Variants in RASA3 observed in about 807,000 individuals in gnomAD.
The protein encoded by RASA3 is ras GTPase-activating protein 3.
A neutral mutation model predicts 110.0 loss-of-function variants in RASA3; 73 were observed. The ratio of observed to expected loss-of-function variants is 0.66; its 90% CI spans 0.55 to 0.81. The LOEUF (loss-of-function observed/expected upper bound fraction) is 0.81. Among genes scored for constraint, RASA3 ranks in the 30% least tolerant of loss-of-function variants. The probability of loss-of-function intolerance (pLI) is 0.00; values close to 1 mark genes in which losing one functional copy is unlikely to be tolerated. For missense variants in RASA3, 976 were observed against 1,113.2 expected (o/e 0.88, Z 1.75); for synonymous variants, 500 against 451.4 (o/e 1.11, Z -1.37).
chr13:114,122,347 C>T (rs1293744746), intron 1 of RASA3, among the ~76,000 whole-genome samples: 2 of 152,350 alleles, frequency 1.3e-5, no homozygotes, highest in South Asian at 2.1e-4. Flanking sequence ...GAGGAGAGTC[C>T]GGCATGGCCA....
chr13:114,046,276 G>A (rs1462993523), intron 3 of RASA3, among the ~76,000 whole-genome samples: 3 of 152,234 alleles, frequency 2.0e-5, no homozygotes, highest in South Asian at 2.1e-4. Context: ...CAGAGGGTCT[G>A]TAGCTTCACT....
Position 114,132,490 on chromosome 13 carries a change from G to T in RASA3, c.-1C>A. ...GGAGCCCCTCGTCCTCCACCGCCATGCTGCGCGTCCGCGCCCGCCGAGCCT... is the reference window on the plus strand; with the variant it reads ...GGAGCCCCTCGTCCTCCACCGCCATTCTGCGCGTCCGCGCCCGCCGAGCCT... On this transcript the variant is annotated 5_prime_UTR_variant, in exon 1 of 24. Coordinates refer to ENST00000334062, the MANE Select transcript of RASA3 (RefSeq NM_007368.4). 6.8e-7 allele frequency: 1 copy of T among 1,480,896 alleles called. No individual in the cohort carries two copies. The highest frequency in any genetic ancestry group is 2.9e-5 in the East Asian group (1 of 33,956). 91.7% of individuals were successfully genotyped at this position (1,480,896 alleles called of 1,614,324 possible).
chr13:114,114,913 C>T lies in RASA3; in HGVS notation c.55+17522G>A, dbSNP rs923276726. ...TGGTAAGCTGGGAAATTCCCGGGCA[C>T]GACCCCTGGCCGTGGGTGAAAGCAC... On this transcript the variant is annotated intron_variant, in intron 1 of 23. Coordinates refer to ENST00000334062, the MANE Select transcript of RASA3 (RefSeq NM_007368.4). This position sits in a 1 kb window ranked among gnomAD's most constrained non-coding sequence, Gnocchi z 4.8. Among the ~76,000 whole-genome samples the T allele has an allele frequency of 2.6e-5, 4 of 152,188 alleles. No homozygotes were observed. The highest frequency in any genetic ancestry group is 7.2e-5 in the African/African-American group (3 of 41,436).
chr13:114,017,166 T>C, intron 12 of RASA3, 71 bp downstream of exon 12: 1 of 1,382,878 alleles, frequency 7.2e-7, no homozygotes, highest in Non-Finnish European at 1.0e-6. Context: ...TGGATCCCAG[T>C]GCAGTGCCCT....
intron 2 of RASA3, among the ~76,000 whole-genome samples, chr13:114,069,701 CGGGGGGCCAGGAGACTT>C (rs1566548273): frequency 4.3e-5 from 1 of 23,078 alleles, no homozygotes. Flanking sequence ...CCAGGAGACT[CGGGGGGCCAGGAGACTT>C]GGGGGGCTGG....
intron 1 of RASA3, among the ~76,000 whole-genome samples, chr13:114,103,363 T>C (rs12870283): frequency 0.88 from 133,337 of 151,980 alleles, 59,319 homozygotes; most frequent in Non-Finnish European, 0.96. Context: ...CTCTCACCCT[T>C]GCAAAGCACA....
chr13:113,997,051 G>T (rs1046919709), intron 20 of RASA3, among the ~76,000 whole-genome samples: 3 of 152,234 alleles, frequency 2.0e-5, no homozygotes, highest in South Asian at 2.1e-4. Flanking sequence ...AGCCTTGGAG[G>T]TCTCCATTCA....
chr13:114,009,449 A>G lies in RASA3; in HGVS notation c.1606T>C (p.Ser536Pro). 6.2e-7 allele frequency: 1 copy of G among 1,610,306 alleles called. No homozygotes were observed. The highest frequency in any genetic ancestry group is 8.5e-7 in the Non-Finnish European group (1 of 1,177,856). ...AATTCATAAAATGTAGCCATGTAGGACTCCTTAAAACTCGCCTAAAATGAA... is the reference window on the plus strand; with the variant it reads ...AATTCATAAAATGTAGCCATGTAGGGCTCCTTAAAACTCGCCTAAAATGAA... Reference protein sequence around the residue: ...SKSKSASFKESYMATFYEFFN... With the variant: ...SKSKSASFKEPYMATFYEFFN... The change falls in exon 17 of 24, where the codon TCC becomes CCC. Residue 536 changes from serine (S) to proline (P), a missense_variant. Around this residue, in one of 4 missense-constraint regions of RASA3, gnomAD observed 732 missense variants for 779.7 expected, o/e 0.94. Coordinates refer to ENST00000334062, the MANE Select transcript of RASA3 (RefSeq NM_007368.4).
intron 1 of RASA3, 60 bp downstream of exon 1, chr13:114,132,375 C>G: frequency 3.5e-6 from 5 of 1,420,328 alleles, no homozygotes; most frequent in Non-Finnish European, 4.6e-6. Context: ...GGGAGGCGGG[C>G]GCGGGAGAGG....
Position 114,048,929 on chromosome 13 carries a change from G to A in RASA3, c.277+3123C>T, listed in dbSNP as rs1424826791. Among the ~76,000 whole-genome samples the A allele has an allele frequency of 1.3e-5, 2 of 152,112 alleles. No homozygotes were observed. The highest frequency in any genetic ancestry group is 4.8e-5 in the African/African-American group (2 of 41,420). On this transcript the variant is annotated intron_variant, in intron 3 of 23. Transcript: ENST00000334062. This position sits in a 1 kb window ranked among gnomAD's most constrained non-coding sequence, Gnocchi z 4.3. ...ATTTCCCCAAGTCTCACTTGCCGGG[G>A]CGCCGTATCCCGGCACGGCTTCAGC...
Position 114,132,366 on chromosome 13 carries a change from G to A in RASA3, c.55+69C>T, listed in dbSNP as rs1042717911. 8 of 1,402,730 alleles carry A rather than the reference G, an allele frequency of 5.7e-6. No individual in the cohort carries two copies. The African/African-American group carries it at 8.9e-5, about 16-fold the overall frequency. The allele number at this position is 1,402,730 out of a possible 1,614,324, so 86.9% of individuals were successfully genotyped here. On this transcript the variant is annotated intron_variant, in intron 1 of 23. Coordinates refer to ENST00000334062, the MANE Select transcript of RASA3 (RefSeq NM_007368.4). ...GGTCCCCAGCAAGGATCTGCGGAGG[G>A]GAGGCGGGCGCGGGAGAGGACAGGG...
chr13:114,125,334 C>T (rs2080431040), intron 1 of RASA3, among the ~76,000 whole-genome samples: 2 of 152,316 alleles, frequency 1.3e-5, no homozygotes, highest in South Asian at 4.1e-4. Context: ...GCAAGCCGTA[C>T]AGGAAGTATG....
chr13:113,995,632 AGGGGGCCCAGCTGACG>A (rs1333756582), intron 21 of RASA3, among the ~76,000 whole-genome samples: 3 of 138,344 alleles, frequency 2.2e-5, no homozygotes, highest in East Asian at 2.4e-4. Context: ...GGGGCCTGAC[AGGGGGCCCAGCTGACG>A]GGGGGCCCAG....
At chr13:114,070,324 A>G (rs1049357945) in intron 2 of RASA3, among the ~76,000 whole-genome samples, 5 of 151,932 alleles carry the variant, frequency 3.3e-5, no homozygotes, top group Admixed American at 6.5e-5. Flanking sequence ...ACTCCCCAGC[A>G]TGTGGGGCAG....
Position 114,025,083 on chromosome 13 carries a change from T to C in RASA3, c.604-728A>G, listed in dbSNP as rs146276551. 1.2e-3 allele frequency among the ~76,000 whole-genome samples: 182 copies of C among 152,308 alleles called. 6 individuals are homozygous for C. The East Asian group carries it at 0.029, about 24-fold the overall frequency. On this transcript the variant is annotated intron_variant, in intron 7 of 23. Coordinates refer to ENST00000334062, the MANE Select transcript of RASA3 (RefSeq NM_007368.4). ...ACCATCAGCCGTGCACCAGGTCACC[T>C]GCGTTTACAAGAAGGGCTCCGTCCT...
At chr13:114,058,284 C>T (rs563771049) in intron 2 of RASA3, among the ~76,000 whole-genome samples, 23 of 152,238 alleles carry the variant, frequency 1.5e-4, no homozygotes, top group African/African-American at 5.1e-4. Flanking sequence ...GCTGCTGCGG[C>T]GAGGCCGTCA....
Position 114,056,430 on chromosome 13 carries a change from C to G in RASA3, c.174-4275G>C. On this transcript the variant is annotated intron_variant, in intron 2 of 23. Coordinates refer to ENST00000334062, the MANE Select transcript of RASA3 (RefSeq NM_007368.4). This position sits in a 1 kb window ranked among gnomAD's most constrained non-coding sequence, Gnocchi z 5.7. The stretch of plus-strand genomic sequence containing the variant: ...GCACAGGGTGGGAAACCGAGGCACT[C>G]CAACATCTGATGAAACGAAACTAAC... 1 of 985,008 alleles carries G rather than the reference C, an allele frequency of 1.0e-6. No individual in the cohort carries two copies. Among genetic ancestry groups the G allele is most frequent in the Non-Finnish European group, 1.2e-6 (1 of 829,586 alleles). The allele number at this position is 985,008 out of a possible 1,614,324, so 61.0% of individuals were successfully genotyped here.
At chr13:113,984,748 C>G (rs2053013578) in intron 22 of RASA3, among the ~76,000 whole-genome samples, 1 of 77,766 alleles carries the variant, frequency 1.3e-5, no homozygotes, top group East Asian at 4.6e-4. Flanking sequence ...ATCTGTCCAT[C>G]CACCCATTAC....
chr13:114,091,082 CCA>C (rs372565664), intron 1 of RASA3, among the ~76,000 whole-genome samples: 182 of 152,256 alleles, frequency 1.2e-3, no homozygotes, highest in African/African-American at 4.0e-3. Context: ...CTAGAAATAA[CCA>C]CAGTTACTAA....
Sources: allele counts gnomAD v4.1 joint callset (sites outside exome capture counted in the v4.1 genomes callset), GRCh38; gene constraint gnomAD v4.1.1; regional missense constraint gnomAD v4.1.1; non-coding constraint Gnocchi (gnomAD v3.1); transcripts MANE v1.5; gene names NCBI Gene and HGNC (gene_info 2026-07-23, HGNC 2026-07-21).